SGF29: variants seen among roughly 807,000 people sequenced by gnomAD.
The protein encoded by SGF29 is SAGA-associated factor 29.
In SGF29, 15 loss-of-function variants were observed where a neutral mutation model predicts 38.1. The observed-to-expected ratio is 0.39, with a 90% CI of 0.26 to 0.61. SGF29 has a LOEUF of 0.61. Ranked by LOEUF, SGF29 falls within the 20% of genes least tolerant of loss-of-function variation. SGF29 has a pLI of 0.49. For synonymous variants in SGF29, 151 were observed against 160.8 expected (o/e 0.94, Z 0.46); for missense variants, 184 against 394.6 (o/e 0.47, Z 4.52).
intron 1 of SGF29, among the ~76,000 whole-genome samples, chr16:28,576,701 A>G (rs936766495): frequency 3.9e-5 from 6 of 152,160 alleles, no homozygotes; most frequent in Non-Finnish European, 7.3e-5. Context: ...ATCTGTCCCA[A>G]AAAAGAAAAA....
intron 1 of SGF29, among the ~76,000 whole-genome samples, chr16:28,564,267 G>A (rs537477251): frequency 6.6e-6 from 1 of 152,060 alleles, no homozygotes; most frequent in Non-Finnish European, 1.5e-5. Flanking sequence ...TATTCAGGGG[G>A]CAGTTGGAAG....
intron 1 of SGF29, among the ~76,000 whole-genome samples, chr16:28,576,992 G>A (rs974864354): frequency 1.3e-5 from 2 of 152,092 alleles, no homozygotes; most frequent in Admixed American, 6.6e-5. Flanking sequence ...TGGCTAACAT[G>A]TCGAAACCCC....
intron 1 of SGF29, among the ~76,000 whole-genome samples, chr16:28,568,200 C>G (rs2046844865): frequency 6.6e-6 from 1 of 150,614 alleles, no homozygotes; most frequent in South Asian, 2.1e-4. Flanking sequence ...ATAATCCCAG[C>G]TGCTCAGGAG....
At chr16:28,577,495 C>A (rs1453845042) in intron 1 of SGF29, among the ~76,000 whole-genome samples, 7 of 152,192 alleles carry the variant, frequency 4.6e-5, no homozygotes, top group Admixed American at 4.6e-4. Context: ...TCTGTGATTG[C>A]AGCTTCTTTC....
intron 1 of SGF29, among the ~76,000 whole-genome samples, chr16:28,573,899 G>A (rs1019182343): frequency 6.1e-4 from 93 of 152,144 alleles, no homozygotes; most frequent in South Asian, 2.1e-4. Context: ...ACTTGGCCAC[G>A]TGGTTGCAGC....
At chr16:28,580,302 GT>G (rs2046917877) in intron 1 of SGF29, among the ~76,000 whole-genome samples, 1 of 152,142 alleles carries the variant, frequency 6.6e-6, no homozygotes, top group African/African-American at 2.4e-5. Flanking sequence ...GCCATAACAA[GT>G]TACTGCAAGC....
chr16:28,566,768 G>A (rs2046838154), intron 1 of SGF29, among the ~76,000 whole-genome samples: 3 of 151,990 alleles, frequency 2.0e-5, no homozygotes, highest in African/African-American at 7.2e-5. Context: ...CTGGGCAACA[G>A]AGTGAGACCC....
chr16:28,572,244 G>A (rs2046869208), intron 1 of SGF29, among the ~76,000 whole-genome samples: 1 of 151,748 alleles, frequency 6.6e-6, no homozygotes, highest in Non-Finnish European at 1.5e-5. Context: ...CCTAAGTGCT[G>A]GGATTACAGG....
chr16:28,575,237 T>C (rs901375267), intron 1 of SGF29, among the ~76,000 whole-genome samples: 1 of 152,178 alleles, frequency 6.6e-6, no homozygotes, highest in Non-Finnish European at 1.5e-5. Flanking sequence ...GGGGATATGT[T>C]CTTCTCTATA....
chr16:28,585,764 G>A (rs998778270), intron 4 of SGF29, 44 bp downstream of exon 4: 1 of 1,576,814 alleles, frequency 6.3e-7, no homozygotes, highest in African/African-American at 1.3e-5. Context: ...CTCCTTTCCT[G>A]GGGGCTGGGC....
intron 1 of SGF29, among the ~76,000 whole-genome samples, chr16:28,568,474 A>G (rs2046846499): frequency 6.6e-6 from 1 of 151,990 alleles, no homozygotes; most frequent in African/African-American, 2.4e-5. Context: ...TGCATGAGTT[A>G]GTTTAGAGCT....
rs1445381813 is a variant in SGF29 at position 28,590,096 on chromosome 16, C to T, written c.290C>T (p.Ala97Val). Residue 97 changes from alanine (A) to valine (V), a missense_variant and splice_region_variant, in exon 6 of 10, where the codon GCG (alanine) becomes GTG (valine). Coordinates refer to ENST00000317058, the MANE Select transcript of SGF29 (RefSeq NM_138414.3). The surrounding 1 kb of genome is among the most constrained non-coding windows in gnomAD (Gnocchi z 8.2). ...CTCAGGCCTCCCTTCCTTCCCACAGCGGCCAAGATTGCCGGTCTCTACAAT... is the reference window on the plus strand; with the variant it reads ...CTCAGGCCTCCCTTCCTTCCCACAGTGGCCAAGATTGCCGGTCTCTACAAT... The part of the protein sequence containing the change: ...IKSLLEERRI[A>V]AKIAGLYNDS... 7 of 1,610,012 alleles carry T rather than the reference C, an allele frequency of 4.3e-6. No homozygotes were observed. Among genetic ancestry groups the T allele is most frequent in the South Asian group, 1.1e-5 (1 of 89,910 alleles).
In SGF29 at chr16:28,584,955, A is replaced by G; in HGVS notation, c.118A>G (p.Lys40Glu). The G allele has an allele frequency of 6.2e-7, 1 of 1,613,848 alleles. No individual in the cohort carries two copies. The highest frequency in any genetic ancestry group is 1.1e-5 in the South Asian group (1 of 91,064). ...CGAACACAACTTAGTGAACATCCAG[A>G]AGACCCATGAGCGGATGCAGACAGA... ...RSEHNLVNIQKTHERMQTENK... is the reference protein window; with the variant it reads ...RSEHNLVNIQETHERMQTENK... The change falls in exon 3 of 10, where the codon AAG becomes GAG. Residue 40 changes from lysine to glutamate, a missense_variant. Transcript: ENST00000317058.
At chr16:28,586,439 G>A (rs1042312446) in intron 4 of SGF29, among the ~76,000 whole-genome samples, 1 of 151,562 alleles carries the variant, frequency 6.6e-6, no homozygotes, top group East Asian at 1.9e-4. Context: ...GGCAGGAGGC[G>A]GAGGTTGCAG....
At chr16:28,570,378 T>C (rs2046857661) in intron 1 of SGF29, among the ~76,000 whole-genome samples, 1 of 152,138 alleles carries the variant, frequency 6.6e-6, no homozygotes, top group Non-Finnish European at 1.5e-5. Flanking sequence ...TCTTCTTTGT[T>C]GTTTCTCTCT....
chr16:28,584,942 A>C lies in SGF29; in HGVS notation c.105A>C (p.Leu35Phe). Residue 35 changes from leucine (L) to phenylalanine (F), a missense_variant, in exon 3 of 10, where the codon TTA (leucine) becomes TTC (phenylalanine). Transcript: ENST00000317058. Reference protein sequence around the residue: ...QEERSRSEHNLVNIQKTHERM... With the variant: ...QEERSRSEHNFVNIQKTHERM... ...AGCGTTCGCGGAGCGAACACAACTT[A>C]GTGAACATCCAGAAGACCCATGAGC... The C allele has an allele frequency of 6.2e-7, 1 of 1,613,816 alleles. No individual in the cohort carries two copies. The highest frequency in any genetic ancestry group is 8.5e-7 in the Non-Finnish European group (1 of 1,179,962).
intron 1 of SGF29, among the ~76,000 whole-genome samples, chr16:28,574,680 C>T (rs2151648132): frequency 6.6e-6 from 1 of 152,308 alleles, no homozygotes; most frequent in African/African-American, 2.4e-5. Flanking sequence ...CCACACCTTC[C>T]CTGATCTGGC....
intron 1 of SGF29, among the ~76,000 whole-genome samples, chr16:28,562,507 C>T (rs2046796060): frequency 6.6e-6 from 1 of 152,076 alleles, no homozygotes; most frequent in South Asian, 2.1e-4. Flanking sequence ...ATGCTGCTCG[C>T]CTCTTCAGTG....
At position 28,591,778 on chromosome 16, in the gene SGF29, C is replaced by T; in HGVS notation, c.*72C>T. ...GCAGAGGACGTGCTGGGATTAAACA[C>T]ATTCCCCCTCTACTCGTCTCCTGGG... On this transcript the variant is annotated 3_prime_UTR_variant, in exon 10 of 10. Coordinates refer to ENST00000317058, the MANE Select transcript of SGF29 (RefSeq NM_138414.3). 1 of 1,330,252 alleles carries T rather than the reference C, an allele frequency of 7.5e-7. No homozygotes were observed. The highest frequency in any genetic ancestry group is 1.1e-6 in the Non-Finnish European group (1 of 934,430). The allele number at this position is 1,330,252 out of a possible 1,614,324, so 82.4% of individuals were successfully genotyped here.
Sources: allele counts gnomAD v4.1 joint callset (sites outside exome capture counted in the v4.1 genomes callset), GRCh38; gene constraint gnomAD v4.1.1; non-coding constraint Gnocchi (gnomAD v3.1); transcripts MANE v1.5; gene names NCBI Gene and HGNC (gene_info 2026-07-23, HGNC 2026-07-21).